OSBPL10: variants seen among roughly 807,000 people sequenced by gnomAD.
OSBPL10 encodes the protein oxysterol-binding protein-related protein 10.
A neutral mutation model predicts 81.7 loss-of-function variants in OSBPL10; 49 were observed. The observed-to-expected ratio is 0.60, with a 90% CI of 0.48 to 0.76. The LOEUF is 0.76. Among genes scored for constraint, OSBPL10 ranks in the 30% least tolerant of loss-of-function variants. OSBPL10 has a pLI of 0.00. For missense variants in OSBPL10, 923 were observed against 987.8 expected (o/e 0.93, Z 0.88); for synonymous variants, 419 against 383.6 (o/e 1.09, Z -1.08).
chr3:31,678,800 GT>G (rs1700557648), intron 8 of OSBPL10, among the ~76,000 whole-genome samples: 1 of 148,134 alleles, frequency 6.8e-6, no homozygotes, highest in South Asian at 2.1e-4. Context: ...GTGTGTGTGT[GT>G]GTGTGTGTGT....
At chr3:31,777,667 A>G (rs1276366874) in intron 4 of OSBPL10, among the ~76,000 whole-genome samples, 1 of 152,220 alleles carries the variant, frequency 6.6e-6, no homozygotes, top group African/African-American at 2.4e-5. Flanking sequence ...GCCACTGCAA[A>G]TTCCACAAGA....
At chr3:31,984,796 G>C (rs955320816), upstream of OSBPL10, among the ~76,000 whole-genome samples, 2 of 152,222 alleles carry the variant, frequency 1.3e-5, no homozygotes, top group African/African-American at 4.8e-5. Flanking sequence ...TTTAGGGTTA[G>C]ACTATGAACT....
At chr3:32,023,903 T>C (rs1006663729) in intron 2 of OSBPL10, among the ~76,000 whole-genome samples, 2 of 152,162 alleles carry the variant, frequency 1.3e-5, no homozygotes, top group East Asian at 1.9e-4. Flanking sequence ...ACAACAATAA[T>C]AATAAGTGGG....
chr3:32,006,357 G>C (rs997312382), intron 2 of OSBPL10, among the ~76,000 whole-genome samples: 2 of 152,168 alleles, frequency 1.3e-5, no homozygotes, highest in African/African-American at 2.4e-5. Flanking sequence ...TATTATTTCT[G>C]TCACTTTTTG....
chr3:31,800,888 G>T (rs1699360404), intron 4 of OSBPL10, among the ~76,000 whole-genome samples: 1 of 152,158 alleles, frequency 6.6e-6, no homozygotes, highest in African/African-American at 2.4e-5. Context: ...TTTTTCTGAA[G>T]TAAGCCTAAA....
At chr3:31,873,585 T>TC (rs914618449) in intron 3 of OSBPL10, among the ~76,000 whole-genome samples, 11 of 152,192 alleles carry the variant, frequency 7.2e-5, no homozygotes, top group African/African-American at 2.2e-4. Context: ...GTTATTTTTT[T>TC]CCCACCCTGA....
chr3:31,861,275 AT>A (rs2125597306), intron 3 of OSBPL10, among the ~76,000 whole-genome samples: 1 of 152,188 alleles, frequency 6.6e-6, no homozygotes, highest in East Asian at 1.9e-4. Context: ...AGACAGCAAA[AT>A]TCACAGATGC....
chr3:31,802,345 G>T (rs905045420), intron 4 of OSBPL10, among the ~76,000 whole-genome samples: 1 of 150,960 alleles, frequency 6.6e-6, no homozygotes. Flanking sequence ...ATCATCTGAG[G>T]TCAGGAGTTC....
At chr3:31,884,279 A>C (rs1695671686) in intron 1 of OSBPL10, among the ~76,000 whole-genome samples, 1 of 152,354 alleles carries the variant, frequency 6.6e-6, no homozygotes, top group Non-Finnish European at 1.5e-5. Flanking sequence ...ACTGCTTTCT[A>C]AAATAGTTTC....
At chr3:31,916,742 C>G (rs1192028742) in intron 1 of OSBPL10, among the ~76,000 whole-genome samples, 1 of 152,194 alleles carries the variant, frequency 6.6e-6, no homozygotes, top group African/African-American at 2.4e-5. Context: ...AATTACTTCT[C>G]AGGCACCTGT....
At chr3:31,662,599 A>C (rs1700094995) in intron 11 of OSBPL10, 1 of 995,292 alleles carries the variant, frequency 1.0e-6, no homozygotes, top group Non-Finnish European at 1.2e-6. Flanking sequence ...AGTGAGAAAA[A>C]GGCAAGAATT....
intron 3 of OSBPL10, among the ~76,000 whole-genome samples, chr3:31,849,543 A>G (rs1257954358): frequency 6.6e-6 from 1 of 152,114 alleles, no homozygotes; most frequent in East Asian, 1.9e-4. Flanking sequence ...TAGCCTTACC[A>G]CTTCATACCA....
At chr3:31,859,875 C>T (rs1372813914) in intron 3 of OSBPL10, among the ~76,000 whole-genome samples, 3 of 152,178 alleles carry the variant, frequency 2.0e-5, no homozygotes, top group Non-Finnish European at 1.5e-5. Context: ...AGGCCAAGAG[C>T]CCAGCAAAGT....
intron 4 of OSBPL10, chr3:31,795,997 A>G (rs7647379): frequency 0.017 from 3,460 of 207,498 alleles, 116 homozygotes; most frequent in African/African-American, 0.075. Flanking sequence ...TCATACAAGA[A>G]TTCACACTGG....
chr3:31,682,505 A>C (rs185308808), intron 8 of OSBPL10, among the ~76,000 whole-genome samples: 72 of 152,116 alleles, frequency 4.7e-4, no homozygotes, highest in Admixed American at 1.3e-4. Context: ...TCTGCACACA[A>C]ACTCTTTCCC....
At chr3:31,919,467 C>T (rs530509837) in intron 1 of OSBPL10, 1 of 152,302 alleles carries the variant, frequency 6.6e-6, no homozygotes, top group South Asian at 2.1e-4. Context: ...ACTGGAAATC[C>T]AACCAACAGA....
intron 8 of OSBPL10, among the ~76,000 whole-genome samples, chr3:31,678,296 GCAGGGAAGCA>G (rs1299788047): frequency 6.6e-6 from 1 of 152,168 alleles, no homozygotes; most frequent in Admixed American, 6.5e-5. Flanking sequence ...GGACAAGGGT[GCAGGGAAGCA>G]GAGGGAAGAA....
intron 6 of OSBPL10, among the ~76,000 whole-genome samples, chr3:31,708,089 C>T (rs1696129945): frequency 6.6e-6 from 1 of 152,090 alleles, no homozygotes; most frequent in African/African-American, 2.4e-5. Flanking sequence ...TTCAGGTCTT[C>T]AGTTAAAATT....
Position 31,684,050 on chromosome 3 carries a change from G to T in OSBPL10, c.1310C>A (p.Ala437Glu). The change falls in exon 8 of 12, where the codon GCG becomes GAG. Residue 437 changes from alanine (A) to glutamate (E), a missense_variant. Physicochemically the swap from Ala to Glu is moderately radical, Grantham distance 107. This residue lies in a region of OSBPL10 where 387 missense variants were observed against 436.3 expected (regional missense o/e 0.89). Coordinates refer to ENST00000396556, the MANE Select transcript of OSBPL10 (RefSeq NM_017784.5). ...SLLEMYADFMAHPDLLLAITA... is the reference protein window; with the variant it reads ...SLLEMYADFMEHPDLLLAITA... ...GATGGCCAGCAGTAGGTCTGGGTGC[G>T]CCATGAAATCTGCATACATCTCCAG... is the stretch of plus-strand genomic sequence containing the variant. 1.2e-6 allele frequency: 2 copies of T among 1,614,206 alleles called. No individual in the cohort carries two copies. Among genetic ancestry groups the T allele is most frequent in the Non-Finnish European group, 1.7e-6 (2 of 1,180,050 alleles).
Sources: allele counts gnomAD v4.1 joint callset (sites outside exome capture counted in the v4.1 genomes callset), GRCh38; gene constraint gnomAD v4.1.1; regional missense constraint gnomAD v4.1.1; transcripts MANE v1.5; gene names NCBI Gene and HGNC (gene_info 2026-07-23, HGNC 2026-07-21).